The following MAP7 variants were observed in gnomAD, a reference collection of about 807,000 sequenced individuals.
MAP7 encodes ensconsin.
Under a neutral mutation model 94.8 loss-of-function variants are expected in MAP7, and 52 were observed. The observed-to-expected ratio is 0.55, with a 90% confidence interval of 0.44 to 0.69. MAP7 has a LOEUF of 0.69. Ranked by LOEUF, MAP7 falls within the 30% of genes least tolerant of loss-of-function variation. The pLI, the probability that MAP7 is intolerant of heterozygous loss-of-function variation, is 0.00. For missense variants in MAP7, 940 were observed against 964.6 expected (o/e 0.97, Z 0.34); for synonymous variants, 350 against 357.0 (o/e 0.98, Z 0.22).
intron 2 of MAP7, among the ~76,000 whole-genome samples, chr6:136,414,118 T>C (rs1453259174): frequency 6.7e-6 from 1 of 149,982 alleles, no homozygotes; most frequent in African/African-American, 2.4e-5. Context: ...CCGGGCGTGG[T>C]AGCGGGCGCC....
At chr6:136,437,180 G>A (rs1035394656) in intron 1 of MAP7, among the ~76,000 whole-genome samples, 6 of 152,174 alleles carry the variant, frequency 3.9e-5, no homozygotes, top group East Asian at 1.9e-4. Context: ...CGTGAAGGTG[G>A]CCAGGAAGTG....
At chr6:136,506,097 A>G (rs1385613561) in intron 1 of MAP7, among the ~76,000 whole-genome samples, 1 of 152,202 alleles carries the variant, frequency 6.6e-6, no homozygotes, top group Non-Finnish European at 1.5e-5. Context: ...TGTTAAAGAA[A>G]ATTCTTGAGT....
intron 3 of MAP7, among the ~76,000 whole-genome samples, chr6:136,392,569 T>A (rs1490695609): frequency 6.6e-6 from 1 of 152,116 alleles, no homozygotes; most frequent in Non-Finnish European, 1.5e-5. Flanking sequence ...TTATTTCCAG[T>A]ATTTTAAGAA....
chr6:136,519,343 G>T (rs1457551878), intron 1 of MAP7, among the ~76,000 whole-genome samples: 1 of 152,006 alleles, frequency 6.6e-6, no homozygotes, highest in Non-Finnish European at 1.5e-5. Context: ...AAATTTTACG[G>T]CTAAAACCTT....
chr6:136,379,173 C>T (rs1478732813), intron 6 of MAP7, among the ~76,000 whole-genome samples: 2 of 152,102 alleles, frequency 1.3e-5, no homozygotes, highest in African/African-American at 4.8e-5. Context: ...CATTTAAATG[C>T]TAGGAAATTA....
chr6:136,497,101 C>T (rs1818488166), intron 1 of MAP7, among the ~76,000 whole-genome samples: 1 of 152,076 alleles, frequency 6.6e-6, no homozygotes, highest in Non-Finnish European at 1.5e-5. Context: ...CTCTCTCTTG[C>T]TGTATGAGGA....
Position 136,366,326 on chromosome 6 carries a change from C to G in MAP7, c.989+1G>C. On this transcript the variant is annotated splice_donor_variant, in intron 9 of 17. Transcript: ENST00000354570. LOFTEE classifies it high-confidence loss of function. ...CAGCCAGCCACTTATATTTCACTTA[C>G]CAAAGTCGGGAGCGAGCTGGTTGTC... is the stretch of plus-strand genomic sequence containing the variant. 2 of 1,613,068 alleles carry G rather than the reference C, an allele frequency of 1.2e-6. No individual in the cohort carries two copies. Among genetic ancestry groups the G allele is most frequent in the Non-Finnish European group, 1.7e-6 (2 of 1,179,038 alleles).
At position 136,361,128 on chromosome 6, in the gene MAP7, G is replaced by T; in HGVS notation, c.1578C>A (p.Arg526=). ...CCAGCCTGCGCGACTCCTCCTCACG[G>T]CGAGTCGTCCTCTCTTCAGCCACAC... ...AQRVAEERTT[R]REEESRRLEA... The change falls in exon 12 of 18, where the codon CGC becomes CGA. Residue 526 remains arginine (R), a synonymous_variant. Coordinates refer to ENST00000354570, the MANE Select transcript of MAP7 (RefSeq NM_003980.6). 6.2e-7 allele frequency: 1 copy of T among 1,605,568 alleles called. No homozygotes were observed.
chr6:136,420,388 G>A, intron 2 of MAP7: 1 of 545,862 alleles, frequency 1.8e-6, no homozygotes, highest in South Asian at 2.3e-5. Flanking sequence ...AGCACCAGGA[G>A]GCCAGGGGAA....
rs752036093 is a variant in MAP7 at position 136,365,903 on chromosome 6, T to C, written c.1105A>G (p.Ile369Val). The C allele has an allele frequency of 4.3e-6, 7 of 1,614,026 alleles. No individual in the cohort carries two copies. Among genetic ancestry groups the C allele is most frequent in the East Asian group, 2.2e-5 (1 of 44,878 alleles). ...AQVRPPSPGN[I>V]RPVKREVKVE... The stretch of plus-strand genomic sequence containing the variant: ...TTGACTTCCCTCTTGACAGGGCGGA[T>C]GTTGCCGGGGGATGGGGGCCGGACC... The change falls in exon 10 of 18, where the codon ATC (isoleucine) becomes GTC (valine). Residue 369 changes from isoleucine to valine, a missense_variant. Physicochemically the swap from Ile to Val is conservative, Grantham distance 29. Coordinates refer to ENST00000354570, the MANE Select transcript of MAP7 (RefSeq NM_003980.6).
intron 1 of MAP7, among the ~76,000 whole-genome samples, chr6:136,494,027 A>G (rs1817499793): frequency 6.6e-6 from 1 of 152,226 alleles, no homozygotes; most frequent in African/African-American, 2.4e-5. Context: ...TTTTATTTGT[A>G]CCATATAAAA....
chr6:136,344,162 GA>G lies in MAP7; in HGVS notation c.*65del. The G allele has an allele frequency of 1.2e-6, 1 of 839,398 alleles. No homozygotes were observed. Among genetic ancestry groups the G allele is most frequent in the Non-Finnish European group, 1.7e-6 (1 of 587,180 alleles). The allele number at this position is 839,398 out of a possible 1,614,324, so 52.0% of individuals were successfully genotyped here. On this transcript the variant is annotated 3_prime_UTR_variant, in exon 18 of 18. Transcript: ENST00000354570. ...TGGAGGGGATGCTCCTTTATAGCAG[GA>G]AAGGAATTCCATTAATTGTAGAAAT...
At chr6:136,398,528 G>C (rs1783156856) in intron 3 of MAP7, among the ~76,000 whole-genome samples, 1 of 152,192 alleles carries the variant, frequency 6.6e-6, no homozygotes, top group Non-Finnish European at 1.5e-5. Flanking sequence ...TTGTGGGAGG[G>C]ACCCCGTGGG....
chr6:136,516,701 C>G (rs192567637), intron 1 of MAP7, among the ~76,000 whole-genome samples: 63 of 152,192 alleles, frequency 4.1e-4, no homozygotes, highest in African/African-American at 1.4e-3. Flanking sequence ...GACTAGAGAA[C>G]AAATCAAGAC....
rs762843250 is a variant in MAP7 at position 136,421,757 on chromosome 6, C to A, written c.110G>T (p.Ser37Ile). 8.7e-6 allele frequency: 14 copies of A among 1,613,922 alleles called. No individual in the cohort carries two copies. Among genetic ancestry groups the A allele is most frequent in the Middle Eastern group, 1.7e-4 (1 of 6,060 alleles). Reference protein sequence around the residue: ...YKVQDKKNASSRPASAISGQN... With the variant: ...YKVQDKKNASIRPASAISGQN... Reference sequence around the variant, plus strand: ...TCCTGAAATTGCAGAGGCAGGGCGGCTGGAGGCATTTTTCTTATCTTGCAC... The same window carrying A: ...TCCTGAAATTGCAGAGGCAGGGCGGATGGAGGCATTTTTCTTATCTTGCAC... Residue 37 changes from serine (S) to isoleucine (I), a missense_variant, in exon 2 of 18, where the codon AGC becomes ATC. By Grantham distance (142) the Ser-to-Ile change is moderately radical (BLOSUM62 -2). Transcript: ENST00000354570.
At chr6:136,450,168 G>A (rs1048265210) in intron 1 of MAP7, among the ~76,000 whole-genome samples, 3 of 152,178 alleles carry the variant, frequency 2.0e-5, no homozygotes, top group Non-Finnish European at 2.9e-5. Context: ...TGGGTGACAA[G>A]AGCAAAACTC....
At chr6:136,522,321 A>G (rs1417310915) in intron 1 of MAP7, among the ~76,000 whole-genome samples, 1 of 152,068 alleles carries the variant, frequency 6.6e-6, no homozygotes, top group East Asian at 1.9e-4. Context: ...ACTCCTACCG[A>G]TTACATGGAA....
intron 1 of MAP7, among the ~76,000 whole-genome samples, chr6:136,442,011 T>TCAA (rs1317440859): frequency 2.0e-5 from 3 of 151,970 alleles, no homozygotes; most frequent in South Asian, 4.2e-4. Flanking sequence ...AGACCCTGTC[T>TCAA]CAACAACAAC....
At chr6:136,422,537 A>G (rs933694978) in intron 1 of MAP7, among the ~76,000 whole-genome samples, 3 of 152,196 alleles carry the variant, frequency 2.0e-5, no homozygotes, top group Admixed American at 1.3e-4. Flanking sequence ...CCACTTCATT[A>G]TCGTCTGCAT....
Sources: allele counts gnomAD v4.1 joint callset (sites outside exome capture counted in the v4.1 genomes callset), GRCh38; gene constraint gnomAD v4.1.1; transcripts MANE v1.5; gene names NCBI Gene and HGNC (gene_info 2026-07-23, HGNC 2026-07-21).